Variants in PCDH15 observed in about 807,000 individuals in gnomAD.
PCDH15 encodes the protein protocadherin-15.
A neutral mutation model predicts 178.5 loss-of-function variants in PCDH15; 129 were observed. The ratio of observed to expected loss-of-function variants is 0.72; its 90% CI spans 0.63 to 0.84. The LOEUF (loss-of-function observed/expected upper bound fraction) is 0.84, where lower values mean the gene tolerates loss of function less well. Ranked by LOEUF, PCDH15 falls within the 40% of genes least tolerant of loss-of-function variation. The probability of loss-of-function intolerance (pLI) is 0.00; values close to 1 mark genes in which losing one functional copy is unlikely to be tolerated. For synonymous variants in PCDH15, 800 were observed against 732.0 expected (o/e 1.09, Z -1.50); for missense variants, 2,230 against 2,099.9 (o/e 1.06, Z -1.21).
At chr10:54,805,332 T>C (rs1203827033), upstream of PCDH15, among the ~76,000 whole-genome samples, 1 of 152,060 alleles carries the variant, frequency 6.6e-6, no homozygotes, top group African/African-American at 2.4e-5. Flanking sequence ...GCCTTGCTCA[T>C]TACAAGCAGT....
chr10:55,619,892 T>C (rs968966707), intron 2 of PCDH15, among the ~76,000 whole-genome samples: 4 of 152,088 alleles, frequency 2.6e-5, no homozygotes, highest in Admixed American at 1.3e-4. Context: ...ACTTTTTATT[T>C]ATTAATTAAA....
chr10:54,118,462 C>T (rs1156311159), intron 15 of PCDH15, among the ~76,000 whole-genome samples: 6 of 152,184 alleles, frequency 3.9e-5, no homozygotes, highest in East Asian at 1.9e-4. Context: ...AGATGGAGAC[C>T]GTCCTGGCTA....
Position 54,852,605 on chromosome 10 carries a change from C to A in PCDH15, c.-29+44845G>T, listed in dbSNP as rs1953643170. On this transcript the variant is annotated intron_variant, in intron 3 of 5. Transcript: ENST00000458638. ...CAGTGGCTCATGCCTATAATCCTAG[C>A]ACTTTGGGAGGCCGAGGCAGGTGGA... 2.0e-5 allele frequency among the ~76,000 whole-genome samples: 3 copies of A among 152,092 alleles called. No individual in the cohort carries two copies. The South Asian group carries it at 6.2e-4, about 31-fold the overall frequency.
intron 3 of PCDH15, among the ~76,000 whole-genome samples, chr10:54,435,995 A>G (rs1260754884): frequency 2.0e-5 from 2 of 100,340 alleles, no homozygotes; most frequent in Admixed American, 9.4e-5. Flanking sequence ...AGAAAAGAAA[A>G]GAAAAGAAGA....
At chr10:54,198,317 C>G (rs1037267390) in intron 10 of PCDH15, among the ~76,000 whole-genome samples, 1 of 151,898 alleles carries the variant, frequency 6.6e-6, no homozygotes, top group Admixed American at 6.6e-5. Flanking sequence ...TGTTTTTTCA[C>G]TGTTTAAAAC....
chr10:54,784,078 T>C (rs1950615545), intron 1 of PCDH15, among the ~76,000 whole-genome samples: 1 of 151,944 alleles, frequency 6.6e-6, no homozygotes, highest in Non-Finnish European at 1.5e-5. Context: ...CTATGGGAAC[T>C]CACTCACTAT....
intron 20 of PCDH15, among the ~76,000 whole-genome samples, chr10:54,003,736 CAAA>C (rs55871741): frequency 0.23 from 17,717 of 76,064 alleles, 834 homozygotes; most frequent in East Asian, 0.38. Context: ...CAAACTATTC[CAAA>C]AAAAAAAAAA....
chr10:54,091,357 G>A (rs1303222963), intron 15 of PCDH15, among the ~76,000 whole-genome samples: 1 of 152,124 alleles, frequency 6.6e-6, no homozygotes, highest in Non-Finnish European at 1.5e-5. Context: ...GATTCTGAGA[G>A]AGGAATAAGT....
intron 9 of PCDH15, among the ~76,000 whole-genome samples, chr10:54,226,213 A>T (rs1048696074): frequency 6.6e-6 from 1 of 152,214 alleles, no homozygotes; most frequent in African/African-American, 2.4e-5. Context: ...GTGGAAGGCA[A>T]GGAAAAGCAC....
intron 2 of PCDH15, among the ~76,000 whole-genome samples, chr10:55,523,930 C>A (rs1411085511): frequency 6.6e-6 from 1 of 151,598 alleles, no homozygotes; most frequent in Non-Finnish European, 1.5e-5. Flanking sequence ...AGCCCACATT[C>A]TTTTCACTAT....
chr10:54,233,959 A>G (rs145058634), intron 9 of PCDH15, among the ~76,000 whole-genome samples: 2 of 152,302 alleles, frequency 1.3e-5, no homozygotes, highest in African/African-American at 4.8e-5. Context: ...CCGTATCCTC[A>G]CATATAGTAA....
At chr10:54,754,938 CTTTCTTTTTTTT>C (rs1946849835) in intron 1 of PCDH15, among the ~76,000 whole-genome samples, 2 of 19,834 alleles carry the variant, frequency 1.0e-4, no homozygotes, top group Admixed American at 1.7e-3. Context: ...TAGAGTTTTT[CTTTCTTTTTTTT>C]TTTTTTTTTT....
intron 2 of PCDH15, among the ~76,000 whole-genome samples, chr10:55,094,929 CTTTTT>C (rs60073886): frequency 1.5e-5 from 2 of 130,360 alleles, no homozygotes; most frequent in East Asian, 2.3e-4. Flanking sequence ...TATCCAAATT[CTTTTT>C]TTTTTTTTTT....
intron 1 of PCDH15, among the ~76,000 whole-genome samples, chr10:54,773,494 T>C (rs1949332391): frequency 6.6e-6 from 1 of 152,208 alleles, no homozygotes; most frequent in African/African-American, 2.4e-5. Flanking sequence ...ATCATTAGAT[T>C]CTATAATTAA....
chr10:54,406,777 G>GT (rs1166994691), intron 3 of PCDH15, among the ~76,000 whole-genome samples: 1 of 152,184 alleles, frequency 6.6e-6, no homozygotes, highest in South Asian at 2.1e-4. Context: ...AGGAGCAAAC[G>GT]TAAGAGTAAA....
intron 3 of PCDH15, among the ~76,000 whole-genome samples, chr10:54,510,139 A>C (rs2081520051): frequency 6.6e-6 from 1 of 152,152 alleles, no homozygotes; most frequent in Non-Finnish European, 1.5e-5. Flanking sequence ...ATACACAGTC[A>C]AAAAAATTGC....
At chr10:53,858,057 A>T (rs995029340) in intron 27 of PCDH15, among the ~76,000 whole-genome samples, 4 of 152,122 alleles carry the variant, frequency 2.6e-5, no homozygotes, top group Non-Finnish European at 5.9e-5. Context: ...CTTAATCCTA[A>T]TTAAATGCAG....
At chr10:55,160,077 T>C (rs1839021299) in intron 2 of PCDH15, among the ~76,000 whole-genome samples, 1 of 150,572 alleles carries the variant, frequency 6.6e-6, no homozygotes, top group South Asian at 2.1e-4. Flanking sequence ...ATAATTGTTG[T>C]CTCTGTTTCG....
chr10:54,499,731 C>T (rs982950026), intron 3 of PCDH15, among the ~76,000 whole-genome samples: 1 of 151,980 alleles, frequency 6.6e-6, no homozygotes, highest in Non-Finnish European at 1.5e-5. Context: ...AGAAAGATCT[C>T]AAATTAACTA....
Sources: gnomAD v4.1 joint callset for allele counts (sites outside exome capture counted in the v4.1 genomes callset) on GRCh38, gnomAD v4.1.1 for gene constraint, MANE v1.5 for transcripts, NCBI Gene and HGNC (gene_info 2026-07-23, HGNC 2026-07-21) for gene names.